The following KCNK1 variants were observed in gnomAD, a reference collection of about 807,000 sequenced individuals.
KCNK1 encodes potassium channel subfamily K member 1.
A neutral mutation model predicts 22.2 loss-of-function variants in KCNK1; 10 were observed. The ratio of observed to expected loss-of-function variants is 0.45; its 90% CI spans 0.28 to 0.76. The LOEUF is 0.76. KCNK1 is among the 30% of genes least tolerant of loss of function. The probability of loss-of-function intolerance (pLI) is 0.14; values close to 1 mark genes in which losing one functional copy is unlikely to be tolerated. For missense variants in KCNK1, 378 were observed against 421.0 expected (o/e 0.90, Z 0.89); for synonymous variants, 200 against 186.4 (o/e 1.07, Z -0.60).
chr1:233,622,067 CTT>C (rs1365066397), intron 1 of KCNK1, among the ~76,000 whole-genome samples: 1 of 152,148 alleles, frequency 6.6e-6, no homozygotes, highest in East Asian at 1.9e-4. Context: ...AGAACAGAAT[CTT>C]TGATTGAAGC....
chr1:233,614,718 C>T (rs1160964634), intron 1 of KCNK1, among the ~76,000 whole-genome samples, 192 bp downstream of exon 1: 4 of 151,932 alleles, frequency 2.6e-5, no homozygotes, highest in Admixed American at 2.6e-4. Flanking sequence ...CGTCCCCGGC[C>T]TCTGCCTGGG....
intron 2 of KCNK1, among the ~76,000 whole-genome samples, chr1:233,667,497 G>A (rs1440543618): frequency 1.3e-5 from 2 of 152,106 alleles, no homozygotes; most frequent in East Asian, 1.9e-4. Context: ...TTGGGAGGCC[G>A]AGGCGGGCGG....
intron 1 of KCNK1, among the ~76,000 whole-genome samples, chr1:233,615,950 CTG>C (rs1411255904): frequency 6.6e-6 from 1 of 152,146 alleles, no homozygotes; most frequent in East Asian, 1.9e-4. Context: ...ATCTAAAAAA[CTG>C]TTAAATGTAG....
chr1:233,623,630 C>T (rs1396533726), intron 1 of KCNK1, among the ~76,000 whole-genome samples: 1 of 152,182 alleles, frequency 6.6e-6, no homozygotes, highest in Non-Finnish European at 1.5e-5. Context: ...GCTCTGTCAC[C>T]CAGGCTGGAG....
At chr1:233,644,876 A>G (rs1019842742) in intron 1 of KCNK1, among the ~76,000 whole-genome samples, 1 of 151,092 alleles carries the variant, frequency 6.6e-6, no homozygotes. Context: ...CAGTATTTGC[A>G]ATGGGAAATC....
At chr1:233,633,327 T>G (rs1657838291) in intron 1 of KCNK1, among the ~76,000 whole-genome samples, 1 of 151,860 alleles carries the variant, frequency 6.6e-6, no homozygotes, top group Non-Finnish European at 1.5e-5. Context: ...CATTGGAGTA[T>G]GTATTATAGG....
chr1:233,638,554 G>A (rs1208004834), intron 1 of KCNK1, among the ~76,000 whole-genome samples: 1 of 152,224 alleles, frequency 6.6e-6, no homozygotes, highest in Non-Finnish European at 1.5e-5. Flanking sequence ...GCTTTGTGAA[G>A]CAAATCGTTG....
chr1:233,650,678 A>G (rs1305843396), intron 1 of KCNK1, among the ~76,000 whole-genome samples: 2 of 152,172 alleles, frequency 1.3e-5, no homozygotes, highest in Non-Finnish European at 2.9e-5. Context: ...TTGACAGATG[A>G]GGAAACTAAG....
chr1:233,621,582 CTACTT>C (rs1020293070), intron 1 of KCNK1, among the ~76,000 whole-genome samples: 26 of 152,144 alleles, frequency 1.7e-4, no homozygotes, highest in African/African-American at 6.3e-4. Context: ...CAACATGTTT[CTACTT>C]AAGAAGGCAG....
At position 233,672,426 on chromosome 1, in the gene KCNK1, C is replaced by T. The variant is rs897228980; in HGVS notation, c.*896C>T. ...AGCACTAAAGCATAGAACTTAAACA[C>T]GAATCCCTAAATGAACAGATTATGT... On this transcript the variant is annotated 3_prime_UTR_variant, in exon 3 of 3. Coordinates refer to ENST00000366621, the MANE Select transcript of KCNK1 (RefSeq NM_002245.4). 20 of 151,330 alleles carry T rather than the reference C, an allele frequency of 1.3e-4. No homozygotes were observed. The highest frequency in any genetic ancestry group is 3.4e-4 in the African/African-American group (14 of 41,196). 9.4% of individuals were successfully genotyped at this position (151,330 alleles called of 1,614,324 possible). A position where few individuals can be genotyped will look rare whatever the true frequency, so the allele number is the denominator to read the frequency against.
Position 233,614,408 on chromosome 1 carries a change from G to T in KCNK1, c.237G>T (p.Leu79=), listed in dbSNP as rs1444251444. 5.6e-6 allele frequency: 9 copies of T among 1,612,198 alleles called. No individual in the cohort carries two copies. The highest frequency in any genetic ancestry group is 6.8e-6 in the Non-Finnish European group (8 of 1,179,348). ...CTGAGCAGCAGCTGGAGCAGTTCCT[G>T]GGCCGGGTGCTGGAGGCCAGCAACT... ...CLSEQQLEQF[L]GRVLEASNYG... Residue 79 remains leucine, a synonymous_variant, in exon 1 of 3, where the codon CTG becomes CTT. Transcript: ENST00000366621.
intron 1 of KCNK1, among the ~76,000 whole-genome samples, chr1:233,659,311 G>A (rs1658351333): frequency 6.6e-6 from 1 of 151,326 alleles, no homozygotes. Context: ...AAGGTCTTCA[G>A]GGGCAGTAAC....
chr1:233,619,871 C>T (rs942169078), intron 1 of KCNK1, among the ~76,000 whole-genome samples: 1 of 147,622 alleles, frequency 6.8e-6, no homozygotes, highest in Non-Finnish European at 1.5e-5. Context: ...GATCACGCCA[C>T]TGCACACCAA....
At chr1:233,624,423 G>A (rs538145195) in intron 1 of KCNK1, among the ~76,000 whole-genome samples, 7 of 152,110 alleles carry the variant, frequency 4.6e-5, no homozygotes, top group South Asian at 4.2e-4. Context: ...GCTGGTTCCC[G>A]TAACATCTGT....
In KCNK1 at chr1:233,614,584, C is replaced by T. The variant is rs910243347; in HGVS notation, c.355+58C>T. On this transcript the variant is annotated intron_variant, in intron 1 of 2. Coordinates refer to ENST00000366621, the MANE Select transcript of KCNK1 (RefSeq NM_002245.4). ...GGCCACCTCGCCCACAACCCACACA[C>T]CCCGGCCCCGGCGCCCCGGGCCCCT... 2.9e-6 allele frequency: 4 copies of T among 1,356,740 alleles called. No individual in the cohort carries two copies. In the Admixed American group the frequency reaches 7.1e-5, roughly 24 times the overall value. The allele number at this position is 1,356,740 out of a possible 1,614,324, so 84.0% of individuals were successfully genotyped here. A position where few individuals can be genotyped will look rare whatever the true frequency, so the allele number is the denominator to read the frequency against.
In KCNK1 at chr1:233,671,311, G is replaced by C; in HGVS notation, c.792G>C (p.Leu264=). The C allele has an allele frequency of 6.2e-7, 1 of 1,614,090 alleles. No homozygotes were observed. Among genetic ancestry groups the C allele is most frequent in the Admixed American group, 1.7e-5 (1 of 60,016 alleles). ...GCCTTATTGCCATGTTGGTAGTTCT[G>C]GAAACCTTCTGTGAACTCCATGAGC... The part of the protein sequence containing the change: ...LLGLIAMLVV[L]ETFCELHELK... Residue 264 remains leucine (L), a synonymous_variant, in exon 3 of 3, where the codon CTG becomes CTC. Transcript: ENST00000366621.
chr1:233,661,763 G>C lies in KCNK1; in HGVS notation c.356-4832G>C, dbSNP rs1206445738. On this transcript the variant is annotated intron_variant, in intron 1 of 2. Transcript: ENST00000366621. ...GATGAACGGAGTTTATCCATGAAAA[G>C]TATGGCTGTCAAAAAAGGGAATTAT... is the stretch of plus-strand genomic sequence containing the variant. 11 of 152,368 alleles carry C rather than the reference G, an allele frequency of 7.2e-5. No homozygotes were observed. The East Asian group carries it at 2.1e-3, about 29-fold the overall frequency. The allele number at this position is 152,368 out of a possible 1,614,324, so 9.4% of individuals were successfully genotyped here.
chr1:233,667,565 C>A (rs1658518166), intron 2 of KCNK1, among the ~76,000 whole-genome samples: 1 of 151,514 alleles, frequency 6.6e-6, no homozygotes, highest in African/African-American at 2.4e-5. Context: ...CCCGTCTGTA[C>A]TAAAAATACA....
intron 1 of KCNK1, among the ~76,000 whole-genome samples, chr1:233,643,088 G>C (rs993106278): frequency 3.3e-5 from 5 of 151,906 alleles, no homozygotes; most frequent in African/African-American, 7.3e-5. Context: ...GCCTCTTGGT[G>C]CCATTTTAAT....
Sources: gnomAD v4.1 joint callset for allele counts (sites outside exome capture counted in the v4.1 genomes callset) on GRCh38, gnomAD v4.1.1 for gene constraint, MANE v1.5 for transcripts, NCBI Gene and HGNC (gene_info 2026-07-23, HGNC 2026-07-21) for gene names.